The following RABEP1 variants were observed in gnomAD, a reference collection of about 807,000 sequenced individuals.
RABEP1 encodes the protein rabaptin, RAB GTPase binding effector protein 1, also known as rab GTPase-binding effector protein 1.
Under a neutral mutation model 123.4 loss-of-function variants are expected in RABEP1, and 51 were observed. That is an observed-to-expected ratio of 0.41 (90% CI 0.33 to 0.52). The LOEUF (loss-of-function observed/expected upper bound fraction) is 0.52. Among genes scored for constraint, RABEP1 ranks in the 20% least tolerant of loss-of-function variants. RABEP1 has a pLI of 0.16. For missense variants in RABEP1, 888 were observed against 996.3 expected (o/e 0.89, Z 1.46); for synonymous variants, 347 against 355.2 (o/e 0.98, Z 0.26).
intron 2 of RABEP1, among the ~76,000 whole-genome samples, chr17:5,311,094 G>A (rs1041935744): frequency 1.2e-4 from 18 of 152,260 alleles, no homozygotes; most frequent in African/African-American, 4.1e-4. Flanking sequence ...ACAGGCGTGA[G>A]CCACCACAAT....
At chr17:5,381,593 A>C in intron 17 of RABEP1, 88 bp downstream of exon 17, 1 of 1,508,896 alleles carries the variant, frequency 6.6e-7, no homozygotes, top group Non-Finnish European at 8.8e-7. Context: ...CACTGGCAGT[A>C]GCTAGAGGTT....
At chr17:5,353,610 G>A (rs1908755457) in intron 7 of RABEP1, among the ~76,000 whole-genome samples, 1 of 152,142 alleles carries the variant, frequency 6.6e-6, no homozygotes, top group Non-Finnish European at 1.5e-5. Context: ...CGCTTTGGGA[G>A]GCCAAGGTGG....
At chr17:5,337,641 G>A (rs992762197) in intron 4 of RABEP1, among the ~76,000 whole-genome samples, 3 of 152,046 alleles carry the variant, frequency 2.0e-5, no homozygotes, top group South Asian at 2.1e-4. Context: ...TGCAGTGAGC[G>A]GAGATCGTGG....
chr17:5,325,475 G>A (rs1254613976), intron 2 of RABEP1, among the ~76,000 whole-genome samples: 1 of 152,128 alleles, frequency 6.6e-6, no homozygotes, highest in African/African-American at 2.4e-5. Context: ...CTAAAAAAGT[G>A]GATCTCATGA....
Position 5,384,388 on chromosome 17 carries a change from A to T in RABEP1, c.*1165A>T. On this transcript the variant is annotated 3_prime_UTR_variant, in exon 18 of 18. Transcript: ENST00000537505. ...ATGTTCATCAATACCTGCTGAGAGTACTGTCCCAGGAATATCCAGTGGATG... is the reference window on the plus strand; with the variant it reads ...ATGTTCATCAATACCTGCTGAGAGTTCTGTCCCAGGAATATCCAGTGGATG... The T allele has an allele frequency of 4.7e-6, 1 of 213,010 alleles. No homozygotes were observed. Among genetic ancestry groups the T allele is most frequent in the Non-Finnish European group, 9.5e-6 (1 of 105,336 alleles). 13.2% of individuals were successfully genotyped at this position (213,010 alleles called of 1,614,324 possible). A position where few individuals can be genotyped will look rare whatever the true frequency, so the allele number is the denominator to read the frequency against.
At chr17:5,293,107 T>A (rs182369821) in intron 1 of RABEP1, among the ~76,000 whole-genome samples, 2 of 152,166 alleles carry the variant, frequency 1.3e-5, no homozygotes, top group African/African-American at 4.8e-5. Context: ...CTGACTAACA[T>A]GAAACCCCGT....
At chr17:5,368,032 CA>C (rs1179787626) in intron 11 of RABEP1, among the ~76,000 whole-genome samples, 2 of 152,214 alleles carry the variant, frequency 1.3e-5, no homozygotes, top group Admixed American at 1.3e-4. Context: ...GCTGGGATTA[CA>C]GGCATAAGCC....
intron 3 of RABEP1, 53 bp from the exon 4 acceptor site, chr17:5,335,131 G>A (rs1478375932): frequency 2.1e-6 from 3 of 1,462,158 alleles, no homozygotes; most frequent in Admixed American, 4.5e-5. Flanking sequence ...AGTGTGCCAG[G>A]TTATTTTTTT....
intron 12 of RABEP1, among the ~76,000 whole-genome samples, chr17:5,369,889 G>A (rs1264864232): frequency 2.6e-5 from 4 of 151,958 alleles, no homozygotes; most frequent in Non-Finnish European, 4.4e-5. Flanking sequence ...TAGTAGAGAC[G>A]GGGTTTCTCC....
intron 1 of RABEP1, 146 bp from the exon 2 acceptor site, chr17:5,308,548 A>G (rs2075203678): frequency 1.3e-6 from 1 of 742,226 alleles, no homozygotes. Context: ...TTTAAACATT[A>G]GAATATCCTA....
Position 5,298,341 on chromosome 17 carries a change from G to A in RABEP1, c.35-10353G>A, listed in dbSNP as rs981692901. On this transcript the variant is annotated intron_variant, in intron 1 of 17. Coordinates refer to ENST00000537505, the MANE Select transcript of RABEP1 (RefSeq NM_004703.6). ...ATATAGGGAATTTGATTCGTTTTAC[G>A]GTATAATTAAATATGGTTCTAAGAG... Among the ~76,000 whole-genome samples, 4 of 151,974 alleles carry A rather than the reference G, an allele frequency of 2.6e-5. No homozygotes were observed. In the East Asian group the frequency reaches 5.8e-4, roughly 22 times the overall value.
Position 5,321,557 on chromosome 17 carries a change from C to G in RABEP1, c.164-10392C>G, listed in dbSNP as rs559486694. 2.0e-5 allele frequency among the ~76,000 whole-genome samples: 3 copies of G among 152,210 alleles called. No individual in the cohort carries two copies. The East Asian group carries it at 5.8e-4, about 29-fold the overall frequency. On this transcript the variant is annotated intron_variant, in intron 2 of 17. Coordinates refer to ENST00000537505, the MANE Select transcript of RABEP1 (RefSeq NM_004703.6). Reference sequence around the variant, plus strand: ...CCTGAGAGGTTGAGGCTGCAGTGAGCCGTATTTGTGCCTCTGCACTCCAGC... The same window carrying G: ...CCTGAGAGGTTGAGGCTGCAGTGAGGCGTATTTGTGCCTCTGCACTCCAGC...
At chr17:5,294,275 T>C (rs944872643) in intron 1 of RABEP1, among the ~76,000 whole-genome samples, 2 of 152,002 alleles carry the variant, frequency 1.3e-5, no homozygotes, top group Non-Finnish European at 2.9e-5. Flanking sequence ...TCCCAGCTAC[T>C]CAGGAGGCTG....
At chr17:5,377,342 A>G (rs1360480299) in intron 14 of RABEP1, 37 bp downstream of exon 14, 1 of 1,506,390 alleles carries the variant, frequency 6.6e-7, no homozygotes, top group Admixed American at 2.4e-5. Flanking sequence ...AATTAGAGTC[A>G]CTAAATAAAA....
At chr17:5,364,116 G>C (rs115152156) in intron 10 of RABEP1, among the ~76,000 whole-genome samples, 46 of 152,158 alleles carry the variant, frequency 3.0e-4, no homozygotes, top group Non-Finnish European at 5.3e-4. Flanking sequence ...TGTTTCAAAG[G>C]TAAATTTCTA....
At chr17:5,316,449 C>CAAA (rs386385498) in intron 2 of RABEP1, among the ~76,000 whole-genome samples, 978 of 28,560 alleles carry the variant, frequency 0.034, 309 homozygotes, top group East Asian at 0.12. Flanking sequence ...GACTCTGTCT[C>CAAA]AAAAAAAAAA....
intron 2 of RABEP1, among the ~76,000 whole-genome samples, chr17:5,318,571 T>G (rs2075321151): frequency 6.6e-6 from 1 of 152,192 alleles, no homozygotes; most frequent in Admixed American, 6.5e-5. Flanking sequence ...GAAAGCACTA[T>G]GCCCAGTTGT....
At chr17:5,350,165 G>A (rs1291831388) in intron 6 of RABEP1, among the ~76,000 whole-genome samples, 2 of 152,142 alleles carry the variant, frequency 1.3e-5, no homozygotes, top group Non-Finnish European at 2.9e-5. Context: ...CGGATCATGA[G>A]GTCAGGAGAT....
rs921694346 is a variant in RABEP1, at chr17:5,384,349, C to G, written c.*1126C>G. 2 of 212,188 alleles carry G rather than the reference C, an allele frequency of 9.4e-6. No homozygotes were observed. Among genetic ancestry groups the G allele is most frequent in the Non-Finnish European group, 1.9e-5 (2 of 104,960 alleles). The allele number at this position is 212,188 out of a possible 1,614,324, so 13.1% of individuals were successfully genotyped here. ...ACTTTATGAAGTGCTACAGAAAGCACAAAGAATTGATTCATGTTCATCAAT... is the reference window on the plus strand; with the variant it reads ...ACTTTATGAAGTGCTACAGAAAGCAGAAAGAATTGATTCATGTTCATCAAT... On this transcript the variant is annotated 3_prime_UTR_variant, in exon 18 of 18. Transcript: ENST00000537505.
Sources: gnomAD v4.1 joint callset for allele counts (sites outside exome capture counted in the v4.1 genomes callset) on GRCh38, gnomAD v4.1.1 for gene constraint, MANE v1.5 for transcripts, NCBI Gene and HGNC (gene_info 2026-07-23, HGNC 2026-07-21) for gene names.